The following GRIK1 variants were observed in gnomAD, a reference collection of about 807,000 sequenced individuals.
GRIK1 encodes glutamate receptor ionotropic, kainate 1.
A neutral mutation model predicts 105.7 loss-of-function variants in GRIK1; 69 were observed. The observed-to-expected ratio is 0.65, with a 90% CI of 0.54 to 0.80. The LOEUF is 0.80. Among genes scored for constraint, GRIK1 ranks in the 30% least tolerant of loss-of-function variants. GRIK1 has a pLI of 0.00. For synonymous variants in GRIK1, 438 were observed against 431.3 expected (o/e 1.02, Z -0.19); for missense variants, 1,109 against 1,167.3 (o/e 0.95, Z 0.73).
intron 1 of GRIK1, among the ~76,000 whole-genome samples, chr21:29,928,047 G>A (rs2071444241): frequency 1.3e-5 from 2 of 152,186 alleles, no homozygotes; most frequent in South Asian, 4.1e-4. Flanking sequence ...GGGCCACACT[G>A]GAAGACGATG....
At chr21:29,730,978 A>C (rs2064609447) in intron 1 of GRIK1, among the ~76,000 whole-genome samples, 1 of 152,236 alleles carries the variant, frequency 6.6e-6, no homozygotes, top group African/African-American at 2.4e-5. Context: ...GATTCCTGGG[A>C]ATTTAACCAT....
chr21:29,805,260 T>C (rs2066833439), intron 1 of GRIK1, among the ~76,000 whole-genome samples: 1 of 152,128 alleles, frequency 6.6e-6, no homozygotes, highest in Admixed American at 6.6e-5. Context: ...ATGTGATATG[T>C]GGTTATAAAG....
intron 1 of GRIK1, among the ~76,000 whole-genome samples, chr21:29,725,326 A>G (rs1472168194): frequency 6.6e-6 from 1 of 152,232 alleles, no homozygotes; most frequent in African/African-American, 2.4e-5. Flanking sequence ...GGGGAAAAGG[A>G]CAAGTGACTC....
At chr21:29,583,710 T>C (rs1424932425) in intron 12 of GRIK1, among the ~76,000 whole-genome samples, 1 of 152,184 alleles carries the variant, frequency 6.6e-6, no homozygotes, top group East Asian at 1.9e-4. Context: ...CTCTCTGGGA[T>C]TCTGAGTGAT....
chr21:29,696,905 A>G (rs1310198976), intron 1 of GRIK1, among the ~76,000 whole-genome samples: 1 of 152,244 alleles, frequency 6.6e-6, no homozygotes, highest in Non-Finnish European at 1.5e-5. Flanking sequence ...CTCTTTGAGA[A>G]GGATTTTTAA....
At chr21:29,758,705 A>G (rs1276661964) in intron 1 of GRIK1, 1 of 152,664 alleles carries the variant, frequency 6.6e-6, no homozygotes, top group Non-Finnish European at 1.5e-5. Flanking sequence ...AGAAGCCTGT[A>G]TTTGCTTACA....
Position 29,654,458 on chromosome 21 carries a change from C to T in GRIK1, c.780+352G>A, listed in dbSNP as rs76085983. 2.2e-3 allele frequency among the ~76,000 whole-genome samples: 338 copies of T among 152,268 alleles called. 1 individual carries two copies. The highest frequency in any genetic ancestry group is 7.6e-3 in the African/African-American group (315 of 41,546). On this transcript the variant is annotated intron_variant, in intron 5 of 17. Transcript: ENST00000327783. ...CCACATCAAATCAATGAATGCCAGA[C>T]ACACTTGGATACACCTTCTAATGTA... is the stretch of plus-strand genomic sequence containing the variant.
intron 9 of GRIK1, among the ~76,000 whole-genome samples, chr21:29,591,643 A>T (rs2061335762): frequency 6.6e-6 from 1 of 152,212 alleles, no homozygotes; most frequent in African/African-American, 2.4e-5. Flanking sequence ...TGTGGAGCTT[A>T]CATTCTACTG....
intron 1 of GRIK1, among the ~76,000 whole-genome samples, chr21:29,893,784 G>A (rs1316146902): frequency 6.6e-6 from 1 of 152,202 alleles, no homozygotes; most frequent in Non-Finnish European, 1.5e-5. Flanking sequence ...ACAATTCAGT[G>A]TGATAAGTAC....
At chr21:29,829,309 C>A in intron 1 of GRIK1, among the ~76,000 whole-genome samples, 1 of 152,292 alleles carries the variant, frequency 6.6e-6, no homozygotes, top group Non-Finnish European at 1.5e-5. Flanking sequence ...GTATTACACT[C>A]TTCAAATTCT....
intron 1 of GRIK1, among the ~76,000 whole-genome samples, chr21:29,862,891 A>G (rs2068690874): frequency 6.6e-6 from 1 of 152,238 alleles, no homozygotes; most frequent in Admixed American, 6.5e-5. Context: ...CTAATTACCC[A>G]GCAGGTGAAA....
At chr21:29,601,321 C>A in intron 7 of GRIK1, 1 of 428,672 alleles carries the variant, frequency 2.3e-6, no homozygotes, top group Non-Finnish European at 5.0e-6. Flanking sequence ...ACTAGACTTA[C>A]ACCAGCCAGC....
chr21:29,697,991 C>G (rs1031564390), intron 1 of GRIK1, among the ~76,000 whole-genome samples: 1 of 137,678 alleles, frequency 7.3e-6, no homozygotes, highest in African/African-American at 2.7e-5. Flanking sequence ...CTCTTTCTTT[C>G]TTTCTCTTTC....
At chr21:29,868,685 CT>C (rs1384901678) in intron 1 of GRIK1, among the ~76,000 whole-genome samples, 1 of 152,044 alleles carries the variant, frequency 6.6e-6, no homozygotes, top group Non-Finnish European at 1.5e-5. Flanking sequence ...GCCTGTCTTT[CT>C]TTTTTCTTCA....
intron 1 of GRIK1, among the ~76,000 whole-genome samples, chr21:29,754,881 G>T (rs571792703): frequency 2.6e-5 from 4 of 152,086 alleles, no homozygotes; most frequent in African/African-American, 9.7e-5. Context: ...TTAATGGCCT[G>T]CCCTATCGAT....
Position 29,687,295 on chromosome 21 carries a change from G to A in GRIK1, c.544+2433C>T, listed in dbSNP as rs559173939. Among the ~76,000 whole-genome samples the A allele has an allele frequency of 1.1e-4, 16 of 152,178 alleles. No homozygotes were observed. The South Asian group carries it at 3.3e-3, about 32-fold the overall frequency. On this transcript the variant is annotated intron_variant, in intron 3 of 17. Transcript: ENST00000327783. ...GTACTTAATTCTGGTGTAGGGGCGG[G>A]TGCTAAGCACACCTAAGTCCTTTCT...
chr21:29,575,669 T>C (rs1177845183), intron 14 of GRIK1, among the ~76,000 whole-genome samples: 1 of 151,780 alleles, frequency 6.6e-6, no homozygotes, highest in African/African-American at 2.4e-5. Flanking sequence ...CTGTCTCTAC[T>C]AAAAATACAA....
chr21:29,541,573 G>GTTTTTTTTTTTTTTTTTTTTTTTTTT lies in GRIK1; in HGVS notation c.2608-3690_2608-3689insAAAAAAAAAAAAAAAAAAAAAAAAAA, dbSNP rs1202014711. On this transcript the variant is annotated intron_variant, in intron 16 of 17. Transcript: ENST00000327783. The stretch of plus-strand genomic sequence containing the variant: ...CTCTATGCCATTCATTGCACTCACG[G>GTTTTTTTTTTTTTTTTTTTTTTTTTT]TCTTTTTTTTTTTTTTTTTTTTTGT... 2.3e-4 allele frequency among the ~76,000 whole-genome samples: 19 copies of GTTTTTTTTTTTTTTTTTTTTTTTTTT among 83,714 alleles called. 1 individual carries two copies. Among genetic ancestry groups the GTTTTTTTTTTTTTTTTTTTTTTTTTT allele is most frequent in the African/African-American group, 1.4e-3 (19 of 13,734 alleles). 54.9% of individuals were successfully genotyped at this position (83,714 alleles called of 152,430 possible).
chr21:29,918,759 A>G (rs1310104039), intron 1 of GRIK1, among the ~76,000 whole-genome samples: 1 of 152,056 alleles, frequency 6.6e-6, no homozygotes, highest in African/African-American at 2.4e-5. Context: ...CCTAACTGAA[A>G]TGATTGTGGA....
Sources: gnomAD v4.1 joint callset for allele counts (sites outside exome capture counted in the v4.1 genomes callset) on GRCh38, gnomAD v4.1.1 for gene constraint, MANE v1.5 for transcripts, NCBI Gene and HGNC (gene_info 2026-07-23, HGNC 2026-07-21) for gene names.